The following PELI1 variants were observed in gnomAD, a reference collection of about 807,000 sequenced individuals.
The protein encoded by PELI1 is E3 ubiquitin-protein ligase pellino homolog 1.
In PELI1, 15 loss-of-function variants were observed where a neutral mutation model predicts 41.3. That is an observed-to-expected ratio of 0.36 (90% CI 0.24 to 0.56). The LOEUF (loss-of-function observed/expected upper bound fraction) is 0.56. PELI1 is among the 20% of genes least tolerant of loss of function. The probability of loss-of-function intolerance (pLI) is 0.82; values close to 1 mark genes in which losing one functional copy is unlikely to be tolerated. For missense variants in PELI1, 403 were observed against 525.5 expected (o/e 0.77, Z 2.28); for synonymous variants, 178 against 180.1 (o/e 0.99, Z 0.09).
chr2:64,135,923 T>C (rs945317567), intron 1 of PELI1, among the ~76,000 whole-genome samples: 1 of 152,246 alleles, frequency 6.6e-6, no homozygotes, highest in African/African-American at 2.4e-5. Context: ...TCATAGACAC[T>C]TAAGCACATC....
rs565666167 is a variant in PELI1, at chr2:64,104,692, T to G, written c.201+9A>C. The G allele has an allele frequency of 1.9e-6, 3 of 1,553,870 alleles. No homozygotes were observed. In the South Asian group the frequency reaches 3.7e-5, roughly 19 times the overall value. On this transcript the variant is annotated intron_variant, in intron 3 of 6. Coordinates refer to ENST00000358912, the MANE Select transcript of PELI1 (RefSeq NM_020651.4). ...GTTAATTTATGTAGCTTTTTTTTTT[T>G]TTTTTTACCTTTGCAGCCTGAGGAG...
chr2:64,122,751 A>T lies in PELI1; in HGVS notation c.-69-14372T>A, dbSNP rs574007578. On this transcript the variant is annotated intron_variant, in intron 1 of 6. Transcript: ENST00000358912. Reference sequence around the variant, plus strand: ...GCCCAGTTTTTTACTTGTCAAATCCATCTAACTCCAATCCTTTTGAGAAAA... The same window carrying T: ...GCCCAGTTTTTTACTTGTCAAATCCTTCTAACTCCAATCCTTTTGAGAAAA... Among the ~76,000 whole-genome samples, 19 of 152,292 alleles carry T rather than the reference A, an allele frequency of 1.2e-4. 1 individual carries two copies. Among genetic ancestry groups the T allele is most frequent in the African/African-American group, 4.6e-4 (19 of 41,546 alleles).
chr2:64,113,281 ACT>A (rs1480552447), intron 1 of PELI1, among the ~76,000 whole-genome samples: 5 of 146,574 alleles, frequency 3.4e-5, no homozygotes, highest in Middle Eastern at 3.4e-3. Flanking sequence ...ACGGAGAGAA[ACT>A]CTGTCTCAAA....
intron 3 of PELI1, among the ~76,000 whole-genome samples, chr2:64,101,753 T>A: frequency 6.6e-6 from 1 of 151,920 alleles, no homozygotes; most frequent in East Asian, 1.9e-4. Flanking sequence ...AATACCCTAT[T>A]TCCAAATATA....
In PELI1 at chr2:64,135,358, T is replaced by G. The variant is rs1046175296; in HGVS notation, c.-70+8723A>C. 7.9e-5 allele frequency among the ~76,000 whole-genome samples: 12 copies of G among 151,070 alleles called. No homozygotes were observed. The East Asian group carries it at 2.2e-3, about 27-fold the overall frequency. On this transcript the variant is annotated intron_variant, in intron 1 of 6. Transcript: ENST00000358912. ...CATGTAGTTATCTCTTAGTGTCTGA[T>G]GAGAGATCTCCACCAAGGCACACAC...
chr2:64,099,165 T>TAC (rs70965174), intron 4 of PELI1, among the ~76,000 whole-genome samples: 26,740 of 144,686 alleles, frequency 0.18, 2,364 homozygotes, highest in African/African-American at 0.23. Context: ...ATCTTGGAGA[T>TAC]ACACACACAC....
intron 1 of PELI1, among the ~76,000 whole-genome samples, chr2:64,109,621 A>G (rs569328428): frequency 1.0e-3 from 155 of 152,334 alleles, no homozygotes; most frequent in Non-Finnish European, 1.7e-3. Context: ...AGGAGGTTGC[A>G]GTGAGCCGAG....
Position 64,131,303 on chromosome 2 carries a change from C to CAT in PELI1, c.-70+12776_-70+12777dup, listed in dbSNP as rs775491232. ...CAGGGGTCAAAAAGTTCTAGCAATT[C>CAT]ATATATATATATACACACATATATA... On this transcript the variant is annotated intron_variant, in intron 1 of 6. Coordinates refer to ENST00000358912, the MANE Select transcript of PELI1 (RefSeq NM_020651.4). 1.6e-3 allele frequency among the ~76,000 whole-genome samples: 242 copies of CAT among 151,022 alleles called. 1 individual carries two copies. The highest frequency in any genetic ancestry group is 5.0e-3 in the African/African-American group (207 of 41,186).
intron 2 of PELI1, among the ~76,000 whole-genome samples, chr2:64,106,857 C>T (rs567601418): frequency 1.2e-4 from 18 of 152,264 alleles, no homozygotes; most frequent in Admixed American, 7.2e-4. Context: ...TCAAACATAC[C>T]GCAATATCTA....
At chr2:64,129,734 A>AACAC (rs1298353198) in intron 1 of PELI1, among the ~76,000 whole-genome samples, 1 of 152,214 alleles carries the variant, frequency 6.6e-6, no homozygotes, top group East Asian at 1.9e-4. Context: ...TTATTTATAA[A>AACAC]ACACACTAAG....
At chr2:64,124,521 C>G (rs1035356197) in intron 1 of PELI1, among the ~76,000 whole-genome samples, 2 of 152,156 alleles carry the variant, frequency 1.3e-5, no homozygotes, top group Non-Finnish European at 2.9e-5. Flanking sequence ...CTGAGGGAAA[C>G]TAATCATTTG....
At chr2:64,130,708 A>T (rs1681527516) in intron 1 of PELI1, among the ~76,000 whole-genome samples, 1 of 152,196 alleles carries the variant, frequency 6.6e-6, no homozygotes, top group South Asian at 2.1e-4. Flanking sequence ...TTTGGTGCAT[A>T]AAAAAGCATA....
chr2:64,142,076 ATAC>A lies in PELI1; in HGVS notation c.-70+2002_-70+2004del, dbSNP rs539803191. ...CAGCTTACTTTTTAGAAGCAAATAAATACTACTACTATTACATTACAGCACTTC... is the reference window on the plus strand; with the variant it reads ...CAGCTTACTTTTTAGAAGCAAATAAATACTACTATTACATTACAGCACTTC... On this transcript the variant is annotated intron_variant, in intron 1 of 6. Coordinates refer to ENST00000358912, the MANE Select transcript of PELI1 (RefSeq NM_020651.4). Among the ~76,000 whole-genome samples, 14 of 152,330 alleles carry A rather than the reference ATAC, an allele frequency of 9.2e-5. No homozygotes were observed. The East Asian group carries it at 2.7e-3, about 29-fold the overall frequency.
chr2:64,134,942 C>T (rs560826313), intron 1 of PELI1, among the ~76,000 whole-genome samples: 4 of 152,094 alleles, frequency 2.6e-5, no homozygotes, highest in African/African-American at 9.7e-5. Flanking sequence ...AGAAAAATAT[C>T]AGGGCCAGTC....
At chr2:64,127,773 G>C (rs1001150198) in intron 1 of PELI1, among the ~76,000 whole-genome samples, 2 of 152,068 alleles carry the variant, frequency 1.3e-5, no homozygotes, top group Admixed American at 1.3e-4. Flanking sequence ...GGAAAATCTA[G>C]GTGGTTGTCT....
At chr2:64,106,991 T>C (rs1239704592) in intron 2 of PELI1, among the ~76,000 whole-genome samples, 1 of 151,980 alleles carries the variant, frequency 6.6e-6, no homozygotes, top group Non-Finnish European at 1.5e-5. Context: ...GCAGTGGCGC[T>C]GATCTCAGCT....
At chr2:64,120,850 C>A (rs1485716381) in intron 1 of PELI1, among the ~76,000 whole-genome samples, 1 of 152,164 alleles carries the variant, frequency 6.6e-6, no homozygotes, top group Admixed American at 6.5e-5. Context: ...AGCCTTCTTA[C>A]AATGTGTCCA....
intron 1 of PELI1, among the ~76,000 whole-genome samples, chr2:64,122,057 A>T (rs1681234682): frequency 6.6e-6 from 1 of 152,126 alleles, no homozygotes; most frequent in African/African-American, 2.4e-5. Context: ...TTTGCTTCTC[A>T]TATATGCTTT....
chr2:64,106,412 TTTAAAACCCTAAGCTAAATA>T (rs1422016111), intron 2 of PELI1: 1 of 152,188 alleles, frequency 6.6e-6, no homozygotes, highest in Non-Finnish European at 1.5e-5. Context: ...AGACTGGCGG[TTTAAAACCCTAAGCTAAATA>T]TTAAACTATT....
Sources: gnomAD v4.1 joint callset for allele counts (sites outside exome capture counted in the v4.1 genomes callset) on GRCh38, gnomAD v4.1.1 for gene constraint, MANE v1.5 for transcripts, NCBI Gene and HGNC (gene_info 2026-07-23, HGNC 2026-07-21) for gene names.